ARMC9: variants seen among roughly 807,000 people sequenced by gnomAD.
The protein encoded by ARMC9 is lisH domain-containing protein ARMC9.
In ARMC9, 94 loss-of-function variants were observed where a neutral mutation model predicts 107.0. The observed-to-expected ratio is 0.88, with a 90% CI of 0.74 to 1.04. ARMC9 has a LOEUF of 1.04. ARMC9 is among the 50% of genes least tolerant of loss of function. ARMC9 has a pLI of 0.00. For synonymous variants in ARMC9, 380 were observed against 396.9 expected (o/e 0.96, Z 0.51); for missense variants, 942 against 1,030.1 (o/e 0.91, Z 1.17).
At chr2:231,364,232 G>A (rs557670361) in intron 23 of ARMC9, among the ~76,000 whole-genome samples, 1 of 152,346 alleles carries the variant, frequency 6.6e-6, no homozygotes, top group Admixed American at 6.5e-5. Context: ...CCCCAGCCAG[G>A]TGTGGGGTGC....
chr2:231,306,324 A>G (rs190921398), intron 19 of ARMC9, among the ~76,000 whole-genome samples: 44 of 152,336 alleles, frequency 2.9e-4, no homozygotes, highest in Admixed American at 2.1e-3. Flanking sequence ...ACTGTGCTTC[A>G]AATCTAATTT....
intron 21 of ARMC9, among the ~76,000 whole-genome samples, chr2:231,353,531 G>A: frequency 9.3e-6 from 1 of 107,010 alleles, no homozygotes. Flanking sequence ...AGGAAGGCCA[G>A]GGAATCCCAG....
intron 20 of ARMC9, among the ~76,000 whole-genome samples, chr2:231,338,330 T>TGCCTCA (rs201043086): frequency 6.6e-6 from 1 of 151,888 alleles, no homozygotes; most frequent in Non-Finnish European, 1.5e-5. Flanking sequence ...GCAATTCTCG[T>TGCCTCA]GCCTCAGCCT....
In ARMC9 at chr2:231,226,798, G is replaced by C. The variant is rs753678888; in HGVS notation, c.622G>C (p.Glu208Gln). The change falls in exon 7 of 25, where the codon GAA becomes CAA. Residue 208 changes from glutamate to glutamine, a missense_variant and splice_region_variant. Glu to Gln is a conservative substitution (Grantham distance 29). Transcript: ENST00000611582. ...IYKENGQSNK[E>Q]ILQQLHQQLV... ...GAAGGAGAATGGACAAAGTAACAAA[G>C]GTAAATCATCTAGATTTAAATTTGT... The C allele has an allele frequency of 5.6e-6, 9 of 1,613,188 alleles. No individual in the cohort carries two copies. The East Asian group carries it at 2.0e-4, about 36-fold the overall frequency.
In ARMC9 at chr2:231,365,862, G is replaced by A. The variant is rs765564896; in HGVS notation, c.2262-4091G>A. On this transcript the variant is annotated intron_variant, in intron 23 of 24. Coordinates refer to ENST00000611582, the MANE Select transcript of ARMC9 (RefSeq NM_001352754.2). ...CACCCAGGCTGGAGTGCAGTGGCAC[G>A]ATCTTGGCTCACTGCAACCTCTGCC... 3.3e-5 allele frequency among the ~76,000 whole-genome samples: 5 copies of A among 152,054 alleles called. No individual in the cohort carries two copies. In the South Asian group the frequency reaches 1.0e-3, roughly 32 times the overall value.
At chr2:231,364,050 G>A (rs113363819) in intron 23 of ARMC9, among the ~76,000 whole-genome samples, 2,968 of 152,270 alleles carry the variant, frequency 0.019, 95 homozygotes, top group African/African-American at 0.067. Context: ...TATTTATTAA[G>A]AAACAAATGC....
intron 20 of ARMC9, among the ~76,000 whole-genome samples, chr2:231,333,862 A>G (rs371593363): frequency 3.3e-5 from 5 of 152,366 alleles, no homozygotes; most frequent in African/African-American, 1.2e-4. Flanking sequence ...TTAATAATCT[A>G]GAGGACCTCT....
chr2:231,280,376 T>C (rs1296464090), intron 16 of ARMC9, among the ~76,000 whole-genome samples: 5 of 152,160 alleles, frequency 3.3e-5, no homozygotes, highest in Non-Finnish European at 7.3e-5. Flanking sequence ...GAGAATCACT[T>C]GAACCTGGGA....
chr2:231,228,735 T>C (rs2034917060), intron 7 of ARMC9, among the ~76,000 whole-genome samples: 1 of 152,078 alleles, frequency 6.6e-6, no homozygotes, highest in South Asian at 2.1e-4. Flanking sequence ...ATACCCTGCA[T>C]CTCTGGACCC....
chr2:231,318,070 G>A (rs2042802190), intron 19 of ARMC9, among the ~76,000 whole-genome samples: 1 of 151,472 alleles, frequency 6.6e-6, no homozygotes, highest in Non-Finnish European at 1.5e-5. Context: ...ATCTAGTAAT[G>A]CATTTGGTTG....
rs1411986420 is a variant in ARMC9, at chr2:231,208,211, G to A, written c.136G>A (p.Val46Ile). 1.2e-6 allele frequency: 2 copies of A among 1,610,950 alleles called. No homozygotes were observed. Among genetic ancestry groups the A allele is most frequent in the Non-Finnish European group, 1.7e-6 (2 of 1,179,016 alleles). ...KIKGKPLCKT[V>I]GGSFRDSKSL... ...AAAAGGAAAACCATTGTGTAAAACAGTAGGCGGATCTTTCAGAGACTCCAA... is the reference window on the plus strand; with the variant it reads ...AAAAGGAAAACCATTGTGTAAAACAATAGGCGGATCTTTCAGAGACTCCAA... The change falls in exon 3 of 25, where the codon GTA becomes ATA. Residue 46 changes from valine to isoleucine, a missense_variant. Val to Ile is a conservative substitution (Grantham distance 29, BLOSUM62 3). Coordinates refer to ENST00000611582, the MANE Select transcript of ARMC9 (RefSeq NM_001352754.2).
Position 231,272,963 on chromosome 2 carries a change from T to C in ARMC9, c.1219T>C (p.Tyr407His). ...CTCTGGTGTATTATCAGGTCGCCTCTACCTTGCCCAGAACACAAAGGTGCT... is the reference window on the plus strand; with the variant it reads ...CTCTGGTGTATTATCAGGTCGCCTCCACCTTGCCCAGAACACAAAGGTGCT... ...AFASLAEGRL[Y>H]LAQNTKVLQM... Residue 407 changes from tyrosine (Y) to histidine (H), a missense_variant, in exon 14 of 25, where the codon TAC (tyrosine) becomes CAC (histidine). Tyr to His is a moderately conservative substitution (Grantham distance 83). Transcript: ENST00000611582. 6.2e-7 allele frequency: 1 copy of C among 1,613,702 alleles called. No individual in the cohort carries two copies. Among genetic ancestry groups the C allele is most frequent in the Non-Finnish European group, 8.5e-7 (1 of 1,179,804 alleles).
chr2:231,240,804 C>T (rs1445852474), intron 9 of ARMC9, among the ~76,000 whole-genome samples: 1 of 152,184 alleles, frequency 6.6e-6, no homozygotes, highest in African/African-American at 2.4e-5. Flanking sequence ...TGAGTTGGCA[C>T]AGCTCTTAGC....
chr2:231,208,527 C>T (rs542802700), intron 3 of ARMC9, among the ~76,000 whole-genome samples: 1 of 152,312 alleles, frequency 6.6e-6, no homozygotes, highest in Admixed American at 6.5e-5. Flanking sequence ...ACAATTGTAG[C>T]CTTCCTCCTG....
rs1157452768 is a variant in ARMC9, at chr2:231,272,195, T to G, written c.1211-760T>G. On this transcript the variant is annotated intron_variant, in intron 13 of 24. Transcript: ENST00000611582. The stretch of plus-strand genomic sequence containing the variant: ...GTGTGTGTGTGTGTTTGGTTTTTTT[T>G]TTTTTTTTTTTTTTTGAGAGAGTCT... 2.8e-5 allele frequency among the ~76,000 whole-genome samples: 4 copies of G among 145,454 alleles called. No individual in the cohort carries two copies. In the East Asian group the frequency reaches 7.9e-4, roughly 29 times the overall value.
At chr2:231,303,338 A>G (rs2041867879) in intron 19 of ARMC9, among the ~76,000 whole-genome samples, 1 of 152,166 alleles carries the variant, frequency 6.6e-6, no homozygotes, top group African/African-American at 2.4e-5. Context: ...CAATCTAGCT[A>G]TCCTTTATTT....
chr2:231,247,430 C>T (rs2036873853), intron 9 of ARMC9, among the ~76,000 whole-genome samples: 1 of 152,204 alleles, frequency 6.6e-6, no homozygotes, highest in Non-Finnish European at 1.5e-5. Flanking sequence ...TCAGCATCTT[C>T]AGCCCTTGCC....
intron 19 of ARMC9, among the ~76,000 whole-genome samples, chr2:231,323,228 G>C (rs2043100125): frequency 6.6e-6 from 1 of 152,168 alleles, no homozygotes; most frequent in African/African-American, 2.4e-5. Flanking sequence ...GGCAGCAGTG[G>C]CTCCCCTCCC....
chr2:231,208,446 A>T (rs1024675816), intron 3 of ARMC9, among the ~76,000 whole-genome samples, 194 bp downstream of exon 3: 3 of 152,240 alleles, frequency 2.0e-5, no homozygotes, highest in African/African-American at 7.2e-5. Flanking sequence ...ATGTGTGGCC[A>T]TATAAGATCT....
Sources: gnomAD v4.1 joint callset for allele counts (sites outside exome capture counted in the v4.1 genomes callset) on GRCh38, gnomAD v4.1.1 for gene constraint, MANE v1.5 for transcripts, NCBI Gene and HGNC (gene_info 2026-07-23, HGNC 2026-07-21) for gene names.